The following EFL1 variants were observed in gnomAD, a reference collection of about 807,000 sequenced individuals.
The protein encoded by EFL1 is elongation factor-like GTPase 1.
Under a neutral mutation model 126.7 loss-of-function variants are expected in EFL1, and 76 were observed. That is an observed-to-expected ratio of 0.60 (90% CI 0.50 to 0.73). The LOEUF is 0.73. EFL1 is among the 30% of genes least tolerant of loss of function. EFL1 has a pLI of 0.00. For synonymous variants in EFL1, 410 were observed against 448.4 expected (o/e 0.91, Z 1.08); for missense variants, 1,128 against 1,343.2 (o/e 0.84, Z 2.50).
intron 13 of EFL1, 116 bp from the exon 14 acceptor site, chr15:82,219,934 G>GAAAAC: frequency 8.1e-6 from 12 of 1,481,428 alleles, no homozygotes; most frequent in Non-Finnish European, 1.1e-5. Context: ...GGAAAAAAAA[G>GAAAAC]AAAACAAAAC....
At chr15:82,173,158 T>C (rs1258702881) in intron 15 of EFL1, among the ~76,000 whole-genome samples, 1 of 151,644 alleles carries the variant, frequency 6.6e-6, no homozygotes, top group Non-Finnish European at 1.5e-5. Flanking sequence ...ATTGAAAAAA[T>C]AAATTATAAT....
At chr15:82,198,830 T>C (rs2074437025) in intron 15 of EFL1, among the ~76,000 whole-genome samples, 2 of 152,288 alleles carry the variant, frequency 1.3e-5, no homozygotes, top group Admixed American at 6.5e-5. Flanking sequence ...GGATGCCTTA[T>C]TTACTAGTTT....
chr15:82,214,347 T>A (rs1272010896), intron 15 of EFL1, among the ~76,000 whole-genome samples: 6 of 152,198 alleles, frequency 3.9e-5, no homozygotes, highest in Non-Finnish European at 8.8e-5. Flanking sequence ...TAAATAGACC[T>A]TTACATCAGA....
intron 15 of EFL1, among the ~76,000 whole-genome samples, chr15:82,184,032 A>G (rs770107353): frequency 4.5e-4 from 68 of 152,200 alleles, no homozygotes; most frequent in Non-Finnish European, 1.8e-4. Context: ...AGGTGGGTAA[A>G]GATGTGAATC....
intron 15 of EFL1, among the ~76,000 whole-genome samples, chr15:82,175,139 T>C (rs1021823533): frequency 2.0e-5 from 3 of 152,210 alleles, no homozygotes; most frequent in African/African-American, 7.2e-5. Flanking sequence ...GAAGCATTTT[T>C]ACAGTGCAGT....
intron 12 of EFL1, 95 bp from the exon 13 acceptor site, chr15:82,220,324 C>A: frequency 1.4e-6 from 2 of 1,451,506 alleles, no homozygotes; most frequent in Middle Eastern, 1.9e-4. Context: ...AGATTGGTCC[C>A]AGCTCCATTC....
chr15:82,172,161 A>G (rs1405999394), intron 15 of EFL1, among the ~76,000 whole-genome samples: 4 of 152,224 alleles, frequency 2.6e-5, no homozygotes, highest in African/African-American at 9.6e-5. Context: ...TACAACTGGT[A>G]TAAGTCTGAA....
chr15:82,153,427 A>T (rs923274281), intron 17 of EFL1, among the ~76,000 whole-genome samples: 2 of 152,234 alleles, frequency 1.3e-5, no homozygotes, highest in Non-Finnish European at 2.9e-5. Context: ...AAGATAAAAT[A>T]ACAAAAACTA....
At chr15:82,165,695 T>A (rs1230029716) in intron 15 of EFL1, among the ~76,000 whole-genome samples, 1 of 152,230 alleles carries the variant, frequency 6.6e-6, no homozygotes, top group Non-Finnish European at 1.5e-5. Context: ...CTCCAAAGGT[T>A]CACAGAAAAT....
rs148433092 is a variant in EFL1, at chr15:82,182,272, A to C, written c.1751-18288T>G. Among the ~76,000 whole-genome samples, 971 of 152,298 alleles carry C rather than the reference A, an allele frequency of 6.4e-3. 5 individuals carry two copies. The highest frequency in any genetic ancestry group is 9.7e-3 in the Non-Finnish European group (662 of 68,008). On this transcript the variant is annotated intron_variant, in intron 15 of 19. Transcript: ENST00000268206. ...AGATTCTGTCTCAAAGAATAAACAA[A>C]CAACCAACCAATTGCACAAACAGAT... is the stretch of plus-strand genomic sequence containing the variant.
intron 6 of EFL1, among the ~76,000 whole-genome samples, chr15:82,239,071 T>C (rs2074903486): frequency 6.6e-6 from 1 of 152,224 alleles, no homozygotes; most frequent in Non-Finnish European, 1.5e-5. Flanking sequence ...CAAGCTCACT[T>C]ATGTCTGCAA....
chr15:82,149,392 C>T (rs1282872759), intron 18 of EFL1, among the ~76,000 whole-genome samples: 1 of 151,984 alleles, frequency 6.6e-6, no homozygotes, highest in Non-Finnish European at 1.5e-5. Context: ...GAAAACATAA[C>T]TTTGTTTTGA....
intron 15 of EFL1, among the ~76,000 whole-genome samples, chr15:82,213,993 A>T (rs557564322): frequency 1.2e-4 from 18 of 152,322 alleles, no homozygotes; most frequent in South Asian, 6.2e-4. Flanking sequence ...GGCCTTTTTT[A>T]AAAAAGTTAA....
intron 3 of EFL1, among the ~76,000 whole-genome samples, chr15:82,255,159 T>C (rs1349626363): frequency 6.6e-6 from 1 of 152,248 alleles, no homozygotes; most frequent in Non-Finnish European, 1.5e-5. Context: ...ATCCATAACC[T>C]CCACAGCTGA....
At position 82,246,242 on chromosome 15, in the gene EFL1, A is replaced by G. The variant is rs570358903; in HGVS notation, c.245-4839T>C. Among the ~76,000 whole-genome samples the G allele has an allele frequency of 2.0e-5, 3 of 152,240 alleles. No homozygotes were observed. The South Asian group carries it at 6.2e-4, about 32-fold the overall frequency. ...TTCAAGGCCTGCTGCGTAGATAGTAAATCTAATAATTACACATCCACATTG... is the reference window on the plus strand; with the variant it reads ...TTCAAGGCCTGCTGCGTAGATAGTAGATCTAATAATTACACATCCACATTG... On this transcript the variant is annotated intron_variant, in intron 4 of 19. Transcript: ENST00000268206.
intron 6 of EFL1, 79 bp from the exon 7 acceptor site, chr15:82,238,600 T>C: frequency 1.6e-6 from 2 of 1,233,206 alleles, no homozygotes; most frequent in Non-Finnish European, 2.3e-6. Context: ...GTTTAACCTG[T>C]GTTAGGGCTA....
At chr15:82,198,658 AG>A (rs1420816691) in intron 15 of EFL1, among the ~76,000 whole-genome samples, 1 of 152,174 alleles carries the variant, frequency 6.6e-6, no homozygotes, top group Non-Finnish European at 1.5e-5. Flanking sequence ...AAGGTGAGGA[AG>A]GGTCCTGGAA....
intron 16 of EFL1, among the ~76,000 whole-genome samples, chr15:82,162,904 T>G (rs1418787032): frequency 2.6e-5 from 4 of 152,250 alleles, no homozygotes; most frequent in Non-Finnish European, 5.9e-5. Context: ...GTCCTTTGGT[T>G]TCCCTAAGGC....
Position 82,191,880 on chromosome 15 carries a change from C to T in EFL1, c.1750+22837G>A, listed in dbSNP as rs1243899948. Reference sequence around the variant, plus strand: ...ACTGAGTTAAAATCTCTGGCTGTAACTAATTAGCGATAAAATAACAACAAT... The same window carrying T: ...ACTGAGTTAAAATCTCTGGCTGTAATTAATTAGCGATAAAATAACAACAAT... On this transcript the variant is annotated intron_variant, in intron 15 of 19. Transcript: ENST00000268206. 2.6e-5 allele frequency among the ~76,000 whole-genome samples: 4 copies of T among 152,098 alleles called. No homozygotes were observed. In the East Asian group the frequency reaches 7.7e-4, roughly 29 times the overall value.
Sources: allele counts gnomAD v4.1 joint callset (sites outside exome capture counted in the v4.1 genomes callset), GRCh38; gene constraint gnomAD v4.1.1; transcripts MANE v1.5; gene names NCBI Gene and HGNC (gene_info 2026-07-23, HGNC 2026-07-21).